Variants in GSG1L observed in about 807,000 individuals in gnomAD.
GSG1L encodes the protein GSG1 like, also known as germ cell-specific gene 1-like protein.
GSG1L carries 24 observed loss-of-function variants against 42.1 expected under a neutral mutation model. The observed-to-expected ratio is 0.57, with a 90% confidence interval of 0.41 to 0.80. The LOEUF (loss-of-function observed/expected upper bound fraction) is 0.80, where lower values mean the gene tolerates loss of function less well. GSG1L is among the 30% of genes least tolerant of loss of function. The pLI, the probability that GSG1L is intolerant of heterozygous loss-of-function variation, is 0.00. For synonymous variants in GSG1L, 215 were observed against 203.5 expected (o/e 1.06, Z -0.48); for missense variants, 445 against 472.2 (o/e 0.94, Z 0.53).
intron 5 of GSG1L, among the ~76,000 whole-genome samples, chr16:27,821,318 T>C (rs762795234): frequency 1.1e-4 from 17 of 152,024 alleles, no homozygotes; most frequent in African/African-American, 1.7e-4. Context: ...CAGGGGTACA[T>C]GTGCAGATTC....
chr16:27,871,980 C>A (rs1008179153), intron 3 of GSG1L, among the ~76,000 whole-genome samples: 4 of 152,150 alleles, frequency 2.6e-5, no homozygotes, highest in Non-Finnish European at 5.9e-5. Context: ...TACTAAAAAT[C>A]ATTGAATTAT....
intron 1 of GSG1L, among the ~76,000 whole-genome samples, chr16:28,044,623 CTTTT>C (rs71140942): frequency 6.9e-5 from 9 of 130,594 alleles, no homozygotes; most frequent in African/African-American, 5.7e-5. Flanking sequence ...GCAACGAATG[CTTTT>C]TTTTTTTTTT....
At position 27,804,037 on chromosome 16, in the gene GSG1L, G is replaced by GGATAGATAGATATA. The variant is rs1455236652; in HGVS notation, c.898+3449_898+3450insTATATCTATCTATC. On this transcript the variant is annotated intron_variant, in intron 6 of 6. Coordinates refer to ENST00000447459, the MANE Select transcript of GSG1L (RefSeq NM_001109763.2). Reference sequence around the variant, plus strand: ...TGATGGATGAATAGATAGATTAGATGGATAGATAGATAGATAGATAGATAG... The same window carrying GGATAGATAGATATA: ...TGATGGATGAATAGATAGATTAGATGGATAGATAGATATAGATAGATAGATAGATAGATAGATAG... 1.9e-3 allele frequency among the ~76,000 whole-genome samples: 246 copies of GGATAGATAGATATA among 132,782 alleles called. 4 individuals are homozygous for GGATAGATAGATATA. Among genetic ancestry groups the GGATAGATAGATATA allele is most frequent in the African/African-American group, 7.2e-3 (234 of 32,340 alleles). The allele number at this position is 132,782 out of a possible 152,430, so 87.1% of individuals were successfully genotyped here.
rs1332924645 is a variant in GSG1L, at chr16:28,063,232, C to T, written c.193G>A (p.Ala65Thr). The T allele has an allele frequency of 1.6e-6, 2 of 1,259,738 alleles. No homozygotes were observed. The highest frequency in any genetic ancestry group is 2.0e-6 in the Non-Finnish European group (2 of 1,006,952). 78.0% of individuals were successfully genotyped at this position (1,259,738 alleles called of 1,614,324 possible). A position where few individuals can be genotyped will look rare whatever the true frequency, so the allele number is the denominator to read the frequency against. The change falls in exon 1 of 7, where the codon GCC becomes ACC. Residue 65 changes from alanine (A) to threonine (T), a missense_variant. By Grantham distance (58) the Ala-to-Thr change is moderately conservative. Coordinates refer to ENST00000447459, the MANE Select transcript of GSG1L (RefSeq NM_001109763.2). The surrounding 1 kb of genome is among the most constrained non-coding windows in gnomAD (Gnocchi z 5.8). ...SGANATANGTAAPAAAAAAAT... is the reference protein window; with the variant it reads ...SGANATANGTTAPAAAAAAAT... ...GCGGCGGCGGCGGCGGCGGGGGCGG[C>T]GGTGCCGTTGGCCGTGGCGTTGGCG...
chr16:28,030,605 A>G (rs1016014888), intron 1 of GSG1L, among the ~76,000 whole-genome samples: 19 of 152,314 alleles, frequency 1.2e-4, no homozygotes, highest in South Asian at 4.1e-4. Context: ...TAAGCCAGTA[A>G]AAATTTGTCT....
chr16:27,876,902 C>T (rs576163090), intron 3 of GSG1L, among the ~76,000 whole-genome samples: 1 of 152,328 alleles, frequency 6.6e-6, no homozygotes, highest in Admixed American at 6.5e-5. Flanking sequence ...TAGATGCTTG[C>T]TGATTTCTCC....
At chr16:27,841,473 G>C (rs2083380903) in intron 4 of GSG1L, among the ~76,000 whole-genome samples, 1 of 152,228 alleles carries the variant, frequency 6.6e-6, no homozygotes, top group Non-Finnish European at 1.5e-5. Flanking sequence ...GTTCTTCCCT[G>C]CTGGGCAGGA....
At chr16:27,793,867 C>T (rs2082787449) in intron 6 of GSG1L, among the ~76,000 whole-genome samples, 1 of 152,204 alleles carries the variant, frequency 6.6e-6, no homozygotes, top group South Asian at 2.1e-4. Context: ...CTCTTCTCTC[C>T]CAGGCCTTGT....
intron 2 of GSG1L, among the ~76,000 whole-genome samples, chr16:27,896,130 G>A (rs1347618116): frequency 1.3e-5 from 2 of 152,184 alleles, no homozygotes; most frequent in Non-Finnish European, 2.9e-5. Flanking sequence ...CACTGGCCTA[G>A]GGGGTCACTC....
intron 2 of GSG1L, among the ~76,000 whole-genome samples, chr16:27,950,673 G>A (rs2084940656): frequency 6.6e-6 from 1 of 152,108 alleles, no homozygotes; most frequent in African/African-American, 2.4e-5. Flanking sequence ...AACCTGCTGT[G>A]TGACCTTGAG....
intron 2 of GSG1L, among the ~76,000 whole-genome samples, chr16:27,894,200 C>T (rs1192639309): frequency 6.6e-6 from 1 of 152,218 alleles, no homozygotes; most frequent in African/African-American, 2.4e-5. Context: ...ATTGGGCATA[C>T]ATGAAGCAGC....
chr16:27,881,818 C>T (rs1236766246), intron 3 of GSG1L, among the ~76,000 whole-genome samples: 1 of 152,228 alleles, frequency 6.6e-6, no homozygotes, highest in East Asian at 1.9e-4. Flanking sequence ...CCACCCGCCT[C>T]TCCTAACCAG....
intron 2 of GSG1L, among the ~76,000 whole-genome samples, chr16:27,904,122 T>C (rs1035739756): frequency 6.6e-6 from 1 of 152,086 alleles, no homozygotes; most frequent in African/African-American, 2.4e-5. Context: ...CAGGCCAGAG[T>C]GCAGTGGCCT....
At chr16:27,902,043 C>A (rs1359904857) in intron 2 of GSG1L, among the ~76,000 whole-genome samples, 1 of 152,212 alleles carries the variant, frequency 6.6e-6, no homozygotes, top group East Asian at 1.9e-4. Flanking sequence ...GGTCCTTCCC[C>A]CTATTGTACT....
chr16:27,870,804 T>G (rs2083810991), intron 3 of GSG1L, among the ~76,000 whole-genome samples: 1 of 151,410 alleles, frequency 6.6e-6, no homozygotes, highest in Non-Finnish European at 1.5e-5. Context: ...GACCATCAAG[T>G]CCTGCCAGTT....
chr16:27,897,117 G>C (rs2084201232), intron 2 of GSG1L, among the ~76,000 whole-genome samples: 1 of 152,160 alleles, frequency 6.6e-6, no homozygotes, highest in Non-Finnish European at 1.5e-5. Context: ...CCCCACCTCG[G>C]CCTCCCAAAG....
chr16:27,850,762 A>G (rs2083502742), intron 3 of GSG1L: 1 of 343,200 alleles, frequency 2.9e-6, no homozygotes. Flanking sequence ...TTATTTAAAA[A>G]TATATACATG....
Position 27,949,613 on chromosome 16 carries a change from C to T in GSG1L, c.397+13543G>A, listed in dbSNP as rs141372656. On this transcript the variant is annotated intron_variant, in intron 2 of 6. Coordinates refer to ENST00000447459, the MANE Select transcript of GSG1L (RefSeq NM_001109763.2). ...CCAGCCTGGACGATAGAGTGAGACCCCATCTCTAAAAAATAAAAAGGAAAC... is the reference window on the plus strand; with the variant it reads ...CCAGCCTGGACGATAGAGTGAGACCTCATCTCTAAAAAATAAAAAGGAAAC... Among the ~76,000 whole-genome samples the T allele has an allele frequency of 1.4e-3, 215 of 152,094 alleles. 2 individuals are homozygous for T. Among genetic ancestry groups the T allele is most frequent in the African/African-American group, 4.8e-3 (201 of 41,468 alleles).
chr16:27,876,078 A>G (rs1029767366), intron 3 of GSG1L, among the ~76,000 whole-genome samples: 2 of 152,126 alleles, frequency 1.3e-5, no homozygotes, highest in African/African-American at 2.4e-5. Flanking sequence ...AAATAAAAGG[A>G]TCTTTAATAA....
Sources: gnomAD v4.1 joint callset for allele counts (sites outside exome capture counted in the v4.1 genomes callset) on GRCh38, gnomAD v4.1.1 for gene constraint, Gnocchi (gnomAD v3.1) non-coding constraint, MANE v1.5 for transcripts, NCBI Gene and HGNC (gene_info 2026-07-23, HGNC 2026-07-21) for gene names.